The following ZFHX3 variants were observed in gnomAD, a reference collection of about 807,000 sequenced individuals.
ZFHX3 encodes the protein zinc finger homeobox protein 3.
A neutral mutation model predicts 279.1 loss-of-function variants in ZFHX3; 42 were observed. The observed-to-expected ratio is 0.15, with a 90% confidence interval of 0.12 to 0.19. ZFHX3 has a LOEUF of 0.19. Among genes scored for constraint, ZFHX3 ranks in the 10% least tolerant of loss-of-function variants. The pLI is 1.00. For missense variants in ZFHX3, 4,981 were observed against 4,754.0 expected (o/e 1.05, Z -1.40); for synonymous variants, 2,293 against 1,957.8 (o/e 1.17, Z -4.52).
chr16:73,644,458 G>A (rs532168616), intron 2 of ZFHX3, among the ~76,000 whole-genome samples: 9 of 152,018 alleles, frequency 5.9e-5, no homozygotes, highest in Non-Finnish European at 8.8e-5. Context: ...TCAGGAGTTC[G>A]AGACCAGCCA....
intron 2 of ZFHX3, among the ~76,000 whole-genome samples, chr16:73,595,977 T>TTTTTTTTTTA (rs1252415354): frequency 7.4e-5 from 10 of 135,478 alleles, no homozygotes; most frequent in African/African-American, 2.7e-4. Flanking sequence ...GACCATTACT[T>TTTTTTTTTTA]TTTTATTTTA....
intron 1 of ZFHX3, among the ~76,000 whole-genome samples, chr16:73,727,732 C>T (rs1377047097): frequency 9.2e-5 from 14 of 152,152 alleles, no homozygotes; most frequent in Admixed American, 8.5e-4. Flanking sequence ...TCTGTCTTCT[C>T]CAGCCTTGAA....
chr16:73,578,308 A>C (rs2143818600), intron 2 of ZFHX3, among the ~76,000 whole-genome samples: 1 of 152,214 alleles, frequency 6.6e-6, no homozygotes, highest in Non-Finnish European at 1.5e-5. Flanking sequence ...AGATACATAA[A>C]ATTTTAGCAT....
chr16:73,058,696 TGGCGGCGGCGGCGGCGGC>T (rs552488803), exon 1 of ZFHX3: 16 of 169,870 alleles, frequency 9.4e-5, no homozygotes, highest in African/African-American at 9.1e-5. Flanking sequence ...GACGCGCTGC[TGGCGGCGGCGGCGGCGGC>T]GGCGGCGGCG....
chr16:72,831,129 G>A (rs2037051045), intron 4 of ZFHX3, among the ~76,000 whole-genome samples: 1 of 152,126 alleles, frequency 6.6e-6, no homozygotes, highest in African/African-American at 2.4e-5. Flanking sequence ...CCTTCTGACT[G>A]TCTAGAAAAC....
chr16:72,907,522 C>T (rs1162608195), intron 3 of ZFHX3, among the ~76,000 whole-genome samples: 7 of 148,206 alleles, frequency 4.7e-5, no homozygotes, highest in African/African-American at 7.6e-5. Context: ...TACCGGTTCT[C>T]GGTTTCCAAA....
At chr16:73,696,668 C>T (rs186436078) in intron 1 of ZFHX3, among the ~76,000 whole-genome samples, 6 of 152,298 alleles carry the variant, frequency 3.9e-5, no homozygotes, top group African/African-American at 1.2e-4. Context: ...ATGTCAGCCC[C>T]GTCAAAGCCA....
chr16:72,988,589 C>T (rs1045038154), intron 1 of ZFHX3, among the ~76,000 whole-genome samples: 2 of 152,202 alleles, frequency 1.3e-5, no homozygotes, highest in Non-Finnish European at 1.5e-5. Flanking sequence ...CCAAGTGATC[C>T]TGATTGGAAT....
At chr16:73,812,196 C>G (rs970762180) in intron 1 of ZFHX3, among the ~76,000 whole-genome samples, 28 of 152,122 alleles carry the variant, frequency 1.8e-4, no homozygotes, top group African/African-American at 5.3e-4. Context: ...GTACGAATTT[C>G]CCATCACTGA....
chr16:73,092,841 C>A, intron 8 of ZFHX3: 1 of 487,172 alleles, frequency 2.1e-6, no homozygotes. Context: ...ACGGCTCATG[C>A]AGACCCGGAG....
intron 1 of ZFHX3, among the ~76,000 whole-genome samples, chr16:73,734,467 A>G (rs1389838843): frequency 6.6e-6 from 1 of 152,208 alleles, no homozygotes; most frequent in East Asian, 1.9e-4. Context: ...TTTGTATCAC[A>G]AAGAGTTTCC....
intron 1 of ZFHX3, among the ~76,000 whole-genome samples, chr16:73,021,849 A>T (rs2144652305): frequency 6.6e-6 from 1 of 151,826 alleles, no homozygotes; most frequent in Non-Finnish European, 1.5e-5. Context: ...AAAAAAAAAA[A>T]AAAATCAATG....
At chr16:73,054,485 T>A (rs991935693) in intron 1 of ZFHX3, among the ~76,000 whole-genome samples, 3 of 151,104 alleles carry the variant, frequency 2.0e-5, no homozygotes, top group African/African-American at 7.3e-5. Flanking sequence ...TCCACACTTT[T>A]CATTATTATT....
At chr16:72,841,256 C>A (rs1217684516) in intron 4 of ZFHX3, among the ~76,000 whole-genome samples, 3 of 152,340 alleles carry the variant, frequency 2.0e-5, no homozygotes, top group Middle Eastern at 3.4e-3. Context: ...AAGCATGCAT[C>A]AGTTTGAAAC....
intron 2 of ZFHX3, among the ~76,000 whole-genome samples, chr16:73,560,054 G>A (rs935326852): frequency 6.6e-6 from 1 of 152,084 alleles, no homozygotes; most frequent in Non-Finnish European, 1.5e-5. Flanking sequence ...AAGACCTGAG[G>A]GGGGAAAAAA....
chr16:72,795,424 T>C lies in ZFHX3; in HGVS notation c.7258A>G (p.Asn2420Asp), dbSNP rs753155457. ...TAEAEELATF[N>D]SKTEAGDEKP... Reference sequence around the variant, plus strand: ...TCATCGCCTGCCTCTGTTTTTGAATTGAAGGTGGCCAGTTCCTCAGCCTCC... The same window carrying C: ...TCATCGCCTGCCTCTGTTTTTGAATCGAAGGTGGCCAGTTCCTCAGCCTCC... The change falls in exon 9 of 10, where the codon AAT becomes GAT. Residue 2420 changes from asparagine to aspartate, a missense_variant. Asn to Asp is a conservative substitution (Grantham distance 23, BLOSUM62 1). Transcript: ENST00000268489. 5 of 1,614,032 alleles carry C rather than the reference T, an allele frequency of 3.1e-6. No homozygotes were observed. Among genetic ancestry groups the C allele is most frequent in the Non-Finnish European group, 4.2e-6 (5 of 1,180,046 alleles).
At chr16:73,075,436 T>A (rs1466115737) in intron 8 of ZFHX3, among the ~76,000 whole-genome samples, 1 of 152,160 alleles carries the variant, frequency 6.6e-6, no homozygotes, top group Non-Finnish European at 1.5e-5. Flanking sequence ...GGTATGTTTT[T>A]AAAAATATGA....
intron 3 of ZFHX3, chr16:73,389,278 C>T (rs2016963098): frequency 6.6e-6 from 1 of 152,038 alleles, no homozygotes; most frequent in South Asian, 2.1e-4. Context: ...GTTTGTGTAT[C>T]GTCTGGCTGC....
In ZFHX3 at chr16:72,858,999, C is replaced by T. The variant is rs530355544; in HGVS notation, c.3449-29140G>A. 2.6e-5 allele frequency among the ~76,000 whole-genome samples: 4 copies of T among 152,350 alleles called. No individual in the cohort carries two copies. The East Asian group carries it at 7.7e-4, about 29-fold the overall frequency. Reference sequence around the variant, plus strand: ...GATCCTGAGTTCCTCAAGCTGACAGCCAGGCCGGACTGGCCAGCACGGGGT... The same window carrying T: ...GATCCTGAGTTCCTCAAGCTGACAGTCAGGCCGGACTGGCCAGCACGGGGT... On this transcript the variant is annotated intron_variant, in intron 4 of 9. Transcript: ENST00000268489.
Sources: gnomAD v4.1 joint callset for allele counts (sites outside exome capture counted in the v4.1 genomes callset) on GRCh38, gnomAD v4.1.1 for gene constraint, MANE v1.5 for transcripts, NCBI Gene and HGNC (gene_info 2026-07-23, HGNC 2026-07-21) for gene names.